Variants in SCMH1 observed in about 807,000 individuals in gnomAD.
SCMH1 encodes the protein Scm polycomb group protein homolog 1.
SCMH1 carries 37 observed loss-of-function variants against 70.8 expected under a neutral mutation model. That is an observed-to-expected ratio of 0.52 (90% CI 0.40 to 0.69). The LOEUF (loss-of-function observed/expected upper bound fraction) is 0.69, where lower values mean the gene tolerates loss of function less well. Among genes scored for constraint, SCMH1 ranks in the 30% least tolerant of loss-of-function variants. SCMH1 has a pLI of 0.00. For missense variants in SCMH1, 607 were observed against 827.3 expected (o/e 0.73, Z 3.27); for synonymous variants, 292 against 307.4 (o/e 0.95, Z 0.52).
intron 8 of SCMH1, among the ~76,000 whole-genome samples, chr1:41,111,468 T>C (rs560568717): frequency 6.6e-6 from 1 of 152,222 alleles, no homozygotes; most frequent in Non-Finnish European, 1.5e-5. Flanking sequence ...GCCTCCTGAG[T>C]AGCTGAGATT....
At chr1:41,152,723 A>G in intron 4 of SCMH1, 1 of 1,610,280 alleles carries the variant, frequency 6.2e-7, no homozygotes, top group Non-Finnish European at 8.5e-7. Context: ...CCTTTGGGCC[A>G]TGCAAAAAGC....
intron 10 of SCMH1, among the ~76,000 whole-genome samples, chr1:41,062,565 C>T (rs899211582): frequency 2.6e-5 from 4 of 151,764 alleles, no homozygotes; most frequent in African/African-American, 7.3e-5. Flanking sequence ...CATGGTGAAA[C>T]CCCATCCTAC....
rs1275410588 is a variant in SCMH1 at position 41,048,685 on chromosome 1, C to G, written c.1306+5G>C. 2.5e-6 allele frequency: 4 copies of G among 1,613,304 alleles called. No homozygotes were observed. In the African/African-American group the frequency reaches 5.3e-5, roughly 22 times the overall value. On this transcript the variant is annotated splice_donor_5th_base_variant and intron_variant, in intron 11 of 14. Transcript: ENST00000337495. ...GGGAGGCAATATGAGCCAAAGTGTG[C>G]TTACCTGAGATAACCTCACCACCAT...
chr1:41,134,467 T>A (rs1642944837), intron 6 of SCMH1, among the ~76,000 whole-genome samples: 1 of 152,160 alleles, frequency 6.6e-6, no homozygotes, highest in Non-Finnish European at 1.5e-5. Context: ...TAAAGGGTAT[T>A]CAATTAAGAA....
intron 8 of SCMH1, among the ~76,000 whole-genome samples, chr1:41,091,262 T>C (rs747085123): frequency 2.0e-5 from 3 of 152,124 alleles, no homozygotes; most frequent in Non-Finnish European, 2.9e-5. Flanking sequence ...ATCCATCATA[T>C]AAACAGAACT....
intron 2 of SCMH1, among the ~76,000 whole-genome samples, chr1:41,181,994 A>C (rs1648913453): frequency 6.6e-6 from 1 of 152,236 alleles, no homozygotes; most frequent in South Asian, 2.1e-4. Context: ...TGTGGCACAT[A>C]TACACCATGG....
chr1:41,234,695 C>T (rs1412335510), intron 1 of SCMH1, among the ~76,000 whole-genome samples: 4 of 151,826 alleles, frequency 2.6e-5, no homozygotes, highest in South Asian at 2.1e-4. Flanking sequence ...AGGATGGTCT[C>T]GATCTCCTGA....
intron 4 of SCMH1, among the ~76,000 whole-genome samples, chr1:41,160,143 C>T (rs555219177): frequency 6.6e-6 from 1 of 152,002 alleles, no homozygotes; most frequent in East Asian, 1.9e-4. Context: ...CAAGAGGAGG[C>T]AAATAGACAA....
At chr1:41,142,280 A>G (rs866523690) in intron 6 of SCMH1, among the ~76,000 whole-genome samples, 20 of 152,190 alleles carry the variant, frequency 1.3e-4, no homozygotes, top group Admixed American at 2.6e-4. Flanking sequence ...GACTCACTGT[A>G]ATAGTGATTG....
chr1:41,107,591 C>T (rs1438000427), intron 8 of SCMH1, among the ~76,000 whole-genome samples: 11 of 152,094 alleles, frequency 7.2e-5, no homozygotes, highest in African/African-American at 2.7e-4. Context: ...ATGATCTTGG[C>T]TCACTGCAAC....
chr1:41,176,993 C>T (rs1647198366), intron 2 of SCMH1, among the ~76,000 whole-genome samples: 1 of 152,168 alleles, frequency 6.6e-6, no homozygotes, highest in Non-Finnish European at 1.5e-5. Flanking sequence ...CTGGGAGGCA[C>T]CCCCCAGTAG....
At chr1:41,218,639 C>A (rs1306347022) in intron 1 of SCMH1, among the ~76,000 whole-genome samples, 2 of 152,164 alleles carry the variant, frequency 1.3e-5, no homozygotes, top group African/African-American at 4.8e-5. Flanking sequence ...TTTGTTACAG[C>A]AACCCTAGGA....
rs1335032117 is a variant in SCMH1 at position 41,093,627 on chromosome 1, A to G, written c.746-18176T>C. ...TTAGTCTATCTTGTACTTTGAATGAATTTTTAATCCATGCCTGATTTTGTA... is the reference window on the plus strand; with the variant it reads ...TTAGTCTATCTTGTACTTTGAATGAGTTTTTAATCCATGCCTGATTTTGTA... On this transcript the variant is annotated intron_variant, in intron 8 of 14. Transcript: ENST00000337495. Among the ~76,000 whole-genome samples the G allele has an allele frequency of 2.0e-5, 3 of 152,304 alleles. No individual in the cohort carries two copies. In the South Asian group the frequency reaches 6.2e-4, roughly 32 times the overall value.
intron 6 of SCMH1, among the ~76,000 whole-genome samples, chr1:41,127,936 G>A (rs1251242951): frequency 5.9e-5 from 9 of 151,730 alleles, no homozygotes; most frequent in African/African-American, 2.2e-4. Flanking sequence ...TTAGAACTGT[G>A]AGAAAAAAAA....
intron 4 of SCMH1, among the ~76,000 whole-genome samples, chr1:41,156,857 G>T (rs1033201228): frequency 6.6e-6 from 1 of 151,678 alleles, no homozygotes; most frequent in Admixed American, 6.6e-5. Flanking sequence ...TTAGAGGCAG[G>T]GTTTCCCTAT....
intron 8 of SCMH1, among the ~76,000 whole-genome samples, chr1:41,105,881 T>G (rs1472869166): frequency 6.6e-6 from 1 of 151,884 alleles, no homozygotes; most frequent in Non-Finnish European, 1.5e-5. Context: ...TTGATAGTTT[T>G]TTTTTTTTTT....
At chr1:41,114,507 G>GT (rs1222091357) in intron 7 of SCMH1, among the ~76,000 whole-genome samples, 1 of 151,970 alleles carries the variant, frequency 6.6e-6, no homozygotes, top group African/African-American at 2.4e-5. Flanking sequence ...ATTTCAATCA[G>GT]TTTTTTCGAG....
At chr1:41,039,656 C>A (rs1645833595) in intron 12 of SCMH1, among the ~76,000 whole-genome samples, 1 of 150,810 alleles carries the variant, frequency 6.6e-6, no homozygotes, top group Admixed American at 6.6e-5. Flanking sequence ...GTATTTTTAG[C>A]AGAGATGGGA....
chr1:41,108,602 C>T (rs1668566971), intron 8 of SCMH1, among the ~76,000 whole-genome samples: 1 of 152,204 alleles, frequency 6.6e-6, no homozygotes. Flanking sequence ...GTAGTTACTA[C>T]CCATCAGAGT....
Sources: allele counts gnomAD v4.1 joint callset (sites outside exome capture counted in the v4.1 genomes callset), GRCh38; gene constraint gnomAD v4.1.1; transcripts MANE v1.5; gene names NCBI Gene and HGNC (gene_info 2026-07-23, HGNC 2026-07-21).